WSB1: variants seen among roughly 807,000 people sequenced by gnomAD.
WSB1 encodes WD repeat and SOCS box containing 1.
Under a neutral mutation model 50.2 loss-of-function variants are expected in WSB1, and 23 were observed. The ratio of observed to expected loss-of-function variants is 0.46; its 90% confidence interval spans 0.33 to 0.65. WSB1 has a LOEUF of 0.65. Ranked by LOEUF, WSB1 falls within the 30% of genes least tolerant of loss-of-function variation. The pLI, the probability that WSB1 is intolerant of heterozygous loss-of-function variation, is 0.02. For missense variants in WSB1, 492 were observed against 522.3 expected, an observed-to-expected ratio of 0.94 and a Z score of 0.56; for synonymous variants, 179 against 172.0, an observed-to-expected ratio of 1.04 and a Z score of -0.32.
chr17:27,313,631 A>C lies in WSB1; in HGVS notation c.*1262A>C, dbSNP rs1052471980. ...AATTAAAGACTTGTAAAAAAAAAAAACAGTATATTGCAAATGTTTCTTAAA... is the reference window on the plus strand; with the variant it reads ...AATTAAAGACTTGTAAAAAAAAAAACCAGTATATTGCAAATGTTTCTTAAA... On this transcript the variant is annotated 3_prime_UTR_variant, in exon 9 of 9. Transcript: ENST00000262394. 4 of 151,922 alleles carry C rather than the reference A, an allele frequency of 2.6e-5. No individual in the cohort carries two copies. The highest frequency in any genetic ancestry group is 5.9e-5 in the Non-Finnish European group (4 of 67,950). The allele number at this position is 151,922 out of a possible 1,614,324, so 9.4% of individuals were successfully genotyped here. A position where few individuals can be genotyped will look rare whatever the true frequency, so the allele number is the denominator to read the frequency against.
intron 5 of WSB1, 196 bp from the exon 6 acceptor site, chr17:27,308,904 A>G: frequency 8.3e-7 from 1 of 1,203,310 alleles, no homozygotes; most frequent in Non-Finnish European, 1.0e-6. Flanking sequence ...CATTTGAAAT[A>G]GAATTTGCAT....
At chr17:27,294,910 A>G (rs1166872208) in intron 1 of WSB1, among the ~76,000 whole-genome samples, 1 of 152,242 alleles carries the variant, frequency 6.6e-6, no homozygotes, top group Non-Finnish European at 1.5e-5. Flanking sequence ...CAAAAGCAAT[A>G]CAGTATTTTT....
intron 4 of WSB1, 49 bp from the exon 5 acceptor site, chr17:27,306,733 C>G (rs199941236): frequency 3.2e-6 from 5 of 1,564,718 alleles, no homozygotes; most frequent in African/African-American, 1.4e-5. Context: ...AAATACTGCT[C>G]ATTTGAAGTG....
intron 1 of WSB1, among the ~76,000 whole-genome samples, chr17:27,297,941 C>G (rs1383626366): frequency 6.6e-6 from 1 of 151,930 alleles, no homozygotes; most frequent in East Asian, 1.9e-4. Context: ...AACTCCGTCT[C>G]TGCTAAAATA....
chr17:27,303,738 C>T, intron 3 of WSB1, 103 bp downstream of exon 3: 1 of 1,424,548 alleles, frequency 7.0e-7, no homozygotes, highest in Non-Finnish European at 9.5e-7. Context: ...TACTGAAAAG[C>T]AAGAATTGAT....
chr17:27,299,178 T>C (rs1468888016), intron 1 of WSB1, among the ~76,000 whole-genome samples: 1 of 152,232 alleles, frequency 6.6e-6, no homozygotes, highest in Non-Finnish European at 1.5e-5. Context: ...ATTTGTATGT[T>C]AAAGGTATCT....
rs138983132 is a variant in WSB1, at chr17:27,307,070, G to A, written c.711+188G>A. On this transcript the variant is annotated intron_variant, in intron 5 of 8. Coordinates refer to ENST00000262394, the MANE Select transcript of WSB1 (RefSeq NM_015626.10). ...ATAGTTATTGATTGCCAAGTGAGAA[G>A]TTGGATTGTTTTTAGAGATAATAGA... 890 of 598,222 alleles carry A rather than the reference G, an allele frequency of 1.5e-3. 9 individuals are homozygous for A. The African/African-American group carries it at 0.015, about 10-fold the overall frequency. The allele number at this position is 598,222 out of a possible 1,614,324, so 37.1% of individuals were successfully genotyped here.
intron 1 of WSB1, among the ~76,000 whole-genome samples, chr17:27,296,561 C>T (rs2016990548): frequency 6.6e-6 from 1 of 152,142 alleles, no homozygotes; most frequent in Non-Finnish European, 1.5e-5. Flanking sequence ...TTAAATAATT[C>T]TGTGATACTA....
chr17:27,301,586 C>T (rs1450588951), intron 1 of WSB1, among the ~76,000 whole-genome samples: 1 of 152,108 alleles, frequency 6.6e-6, no homozygotes, highest in Admixed American at 6.5e-5. Context: ...AGGGAAATCA[C>T]TTTATCAAAA....
intron 1 of WSB1, among the ~76,000 whole-genome samples, chr17:27,294,972 A>T (rs561365958): frequency 6.6e-6 from 1 of 152,268 alleles, no homozygotes; most frequent in Non-Finnish European, 1.5e-5. Context: ...AGACTTTTAG[A>T]ATTATCTTTC....
chr17:27,308,451 G>A, intron 5 of WSB1: 1 of 984,574 alleles, frequency 1.0e-6, no homozygotes, highest in Non-Finnish European at 1.2e-6. Flanking sequence ...AAATAAGATG[G>A]TTAAATTTTG....
intron 4 of WSB1, 43 bp downstream of exon 4, chr17:27,304,954 A>G (rs747934212): frequency 6.2e-7 from 1 of 1,611,000 alleles, no homozygotes; most frequent in African/African-American, 1.3e-5. Flanking sequence ...TTGTTTCTTG[A>G]TACTACTATG....
At position 27,310,158 on chromosome 17, in the gene WSB1, A is replaced by T; in HGVS notation, c.982A>T (p.Ser328Cys). The T allele has an allele frequency of 6.2e-7, 1 of 1,613,928 alleles. No homozygotes were observed. The highest frequency in any genetic ancestry group is 8.5e-7 in the Non-Finnish European group (1 of 1,179,854). ...TAGCCATGATGGACTGCATGTTGCA[A>T]GCCTTGCTGATGATAAGTAAGTATG... ...SFSHDGLHVA[S>C]LADDKMVRFW... Residue 328 changes from serine (S) to cysteine (C), a missense_variant, in exon 7 of 9, where the codon AGC becomes TGC. Transcript: ENST00000262394.
At chr17:27,298,421 C>A (rs2017079673) in intron 1 of WSB1, among the ~76,000 whole-genome samples, 1 of 151,912 alleles carries the variant, frequency 6.6e-6, no homozygotes, top group Admixed American at 6.6e-5. Context: ...AAACAGGAAT[C>A]CAAGTTAAAA....
intron 3 of WSB1, among the ~76,000 whole-genome samples, chr17:27,304,498 A>G (rs2017360714): frequency 1.5e-5 from 2 of 132,394 alleles, no homozygotes; most frequent in Non-Finnish European, 3.1e-5. Flanking sequence ...CAGGAGTTTT[A>G]GACCAGCCTG....
At chr17:27,304,649 C>A in intron 3 of WSB1, 131 bp from the exon 4 acceptor site, 1 of 754,846 alleles carries the variant, frequency 1.3e-6, no homozygotes, top group Non-Finnish European at 2.0e-6. Flanking sequence ...GAGGTCGAGG[C>A]TGTAGTGAGC....
chr17:27,297,014 A>G lies in WSB1; in HGVS notation c.40+2579A>G, dbSNP rs140186620. Among the ~76,000 whole-genome samples the G allele has an allele frequency of 8.3e-3, 1,270 of 152,328 alleles. 24 individuals carry two copies. Among genetic ancestry groups the G allele is most frequent in the African/African-American group, 0.029 (1,223 of 41,576 alleles). On this transcript the variant is annotated intron_variant, in intron 1 of 8. Transcript: ENST00000262394. ...CACAAGGCAATTATTAGTAAATTTTAACAGATTAATGCATTTATTTGGTAG... is the reference window on the plus strand; with the variant it reads ...CACAAGGCAATTATTAGTAAATTTTGACAGATTAATGCATTTATTTGGTAG...
chr17:27,309,299 CTA>C, intron 6 of WSB1, 27 bp downstream of exon 6: 1 of 1,486,228 alleles, frequency 6.7e-7, no homozygotes, highest in South Asian at 1.3e-5. Flanking sequence ...TTATTTTAGT[CTA>C]TAATTCATCT....
At chr17:27,304,559 A>G (rs1597759951) in intron 3 of WSB1, among the ~76,000 whole-genome samples, 1 of 148,800 alleles carries the variant, frequency 6.7e-6, no homozygotes, top group East Asian at 1.9e-4. Flanking sequence ...AAAAAAAAAA[A>G]AAAAAGGCCA....
Sources: gnomAD v4.1 joint callset for allele counts (sites outside exome capture counted in the v4.1 genomes callset) on GRCh38, gnomAD v4.1.1 for gene constraint, MANE v1.5 for transcripts, NCBI Gene and HGNC (gene_info 2026-07-23, HGNC 2026-07-21) for gene names.